The following SORCS3 variants were observed in gnomAD, a reference collection of about 807,000 sequenced individuals.
SORCS3 encodes sortilin related VPS10 domain containing receptor 3, also known as VPS10 domain-containing receptor SorCS3.
Under a neutral mutation model 146.3 loss-of-function variants are expected in SORCS3, and 57 were observed. The observed-to-expected ratio is 0.39, with a 90% CI of 0.31 to 0.49. SORCS3 has a LOEUF of 0.49. Among genes scored for constraint, SORCS3 ranks in the 20% least tolerant of loss-of-function variants. The pLI is 0.92. For missense variants in SORCS3, 1,341 were observed against 1,575.5 expected (o/e 0.85, Z 2.52); for synonymous variants, 653 against 618.5 (o/e 1.06, Z -0.83).
chr10:104,735,142 C>T (rs1051577857), intron 1 of SORCS3, among the ~76,000 whole-genome samples: 3 of 152,180 alleles, frequency 2.0e-5, no homozygotes, highest in Non-Finnish European at 2.9e-5. Context: ...TGTTCCCTGC[C>T]GCTTGCCTTT....
chr10:105,261,054 A>G (rs2056957445), intron 25 of SORCS3, among the ~76,000 whole-genome samples: 1 of 152,230 alleles, frequency 6.6e-6, no homozygotes, highest in Non-Finnish European at 1.5e-5. Context: ...TTTGCCAAAC[A>G]CTGTGCTAAG....
At chr10:105,224,049 T>C (rs1387772004) in intron 20 of SORCS3, among the ~76,000 whole-genome samples, 1 of 152,244 alleles carries the variant, frequency 6.6e-6, no homozygotes, top group Non-Finnish European at 1.5e-5. Context: ...CACCAGAGTG[T>C]TACATTTGTT....
At chr10:104,914,631 C>G (rs1160375120) in intron 2 of SORCS3, among the ~76,000 whole-genome samples, 2 of 152,136 alleles carry the variant, frequency 1.3e-5, no homozygotes, top group Non-Finnish European at 2.9e-5. Context: ...GAGTGAGCAC[C>G]TGTCTCTTAA....
chr10:105,255,102 G>A (rs193039667), intron 23 of SORCS3, among the ~76,000 whole-genome samples: 11 of 151,326 alleles, frequency 7.3e-5, no homozygotes, highest in African/African-American at 2.7e-4. Context: ...GCAGGAGAAT[G>A]GCGTGAACCC....
At chr10:104,947,020 G>A (rs2019378381) in intron 3 of SORCS3, among the ~76,000 whole-genome samples, 3 of 152,050 alleles carry the variant, frequency 2.0e-5, no homozygotes, top group South Asian at 2.1e-4. Context: ...GATTGTCTGC[G>A]GTCCCTGGCA....
rs1374603870 is a variant in SORCS3 at position 104,854,841 on chromosome 10, C to A, written c.695+11982C>A. ...ACCTTTTGATGCTTTTCTCACTTTT[C>A]TTCATTTAGCATAATCCCCTGGAGA... On this transcript the variant is annotated intron_variant, in intron 2 of 26. Transcript: ENST00000369701. Among the ~76,000 whole-genome samples the A allele has an allele frequency of 2.0e-5, 3 of 152,260 alleles. No individual in the cohort carries two copies. In the East Asian group the frequency reaches 5.8e-4, roughly 29 times the overall value.
intron 5 of SORCS3, among the ~76,000 whole-genome samples, chr10:105,049,556 G>A (rs1241247527): frequency 6.6e-6 from 1 of 152,050 alleles, no homozygotes; most frequent in Non-Finnish European, 1.5e-5. Flanking sequence ...GTAATAGTTA[G>A]GGTTTAATAT....
chr10:104,705,994 A>G (rs1405533798), intron 1 of SORCS3, among the ~76,000 whole-genome samples: 1 of 152,098 alleles, frequency 6.6e-6, no homozygotes, highest in African/African-American at 2.4e-5. Flanking sequence ...GAGACTGTGA[A>G]GAGAAATCTC....
In SORCS3 at chr10:105,157,201, A is replaced by G. The variant is rs781713032; in HGVS notation, c.1546A>G (p.Ile516Val). 1.2e-6 allele frequency: 2 copies of G among 1,614,078 alleles called. No homozygotes were observed. The highest frequency in any genetic ancestry group is 2.2e-5 in the East Asian group (1 of 44,850). Residue 516 changes from isoleucine (I) to valine (V), a missense_variant, in exon 10 of 27, where the codon ATC (isoleucine) becomes GTC (valine). Coordinates refer to ENST00000369701, the MANE Select transcript of SORCS3 (RefSeq NM_014978.3). Reference sequence around the variant, plus strand: ...GGTGGACGACCAGGTGAAGACATACATCACTTACAACAAAGGCAGGGATTG... The same window carrying G: ...GGTGGACGACCAGGTGAAGACATACGTCACTTACAACAAAGGCAGGGATTG... ...KKVDDQVKTY[I>V]TYNKGRDWRL...
chr10:104,731,820 G>T (rs1290055713), intron 1 of SORCS3, among the ~76,000 whole-genome samples: 1 of 152,200 alleles, frequency 6.6e-6, no homozygotes, highest in Non-Finnish European at 1.5e-5. Context: ...GAGGACAAAT[G>T]AAGGGAGGAA....
intron 2 of SORCS3, among the ~76,000 whole-genome samples, chr10:104,910,794 G>A (rs951393533): frequency 1.3e-5 from 2 of 152,214 alleles, no homozygotes; most frequent in Non-Finnish European, 2.9e-5. Flanking sequence ...GTGGGGTTGG[G>A]GTAACTGGAG....
intron 3 of SORCS3, among the ~76,000 whole-genome samples, chr10:104,968,637 G>C (rs1243991656): frequency 6.6e-5 from 10 of 152,140 alleles, no homozygotes; most frequent in Admixed American, 6.5e-4. Flanking sequence ...AAAATCTCTA[G>C]TGGGATCTCT....
At chr10:104,976,845 T>C (rs2133649321) in intron 3 of SORCS3, among the ~76,000 whole-genome samples, 1 of 151,194 alleles carries the variant, frequency 6.6e-6, no homozygotes, top group East Asian at 1.9e-4. Context: ...CACTCATAGG[T>C]GGGAATTGAA....
chr10:105,106,016 AT>A (rs2055818720), intron 7 of SORCS3, among the ~76,000 whole-genome samples: 1 of 152,128 alleles, frequency 6.6e-6, no homozygotes, highest in Non-Finnish European at 1.5e-5. Context: ...CTTAGGAAAA[AT>A]TAGATGGGAC....
At chr10:104,775,297 A>G (rs1411985245) in intron 1 of SORCS3, among the ~76,000 whole-genome samples, 1 of 152,232 alleles carries the variant, frequency 6.6e-6, no homozygotes, top group Non-Finnish European at 1.5e-5. Flanking sequence ...AAATGAGAGA[A>G]TGTTTGCAGA....
At chr10:104,994,485 A>G (rs2055011857) in intron 4 of SORCS3, among the ~76,000 whole-genome samples, 1 of 152,216 alleles carries the variant, frequency 6.6e-6, no homozygotes, top group Non-Finnish European at 1.5e-5. Flanking sequence ...ATTAAAATAT[A>G]TAAACTTGAT....
At chr10:104,919,924 A>T (rs1035468926) in intron 3 of SORCS3, among the ~76,000 whole-genome samples, 39 of 152,320 alleles carry the variant, frequency 2.6e-4, no homozygotes, top group Admixed American at 3.9e-4. Context: ...GCAAAAAGAA[A>T]ATTTGATATA....
chr10:104,959,968 T>C (rs1180362852), intron 3 of SORCS3, among the ~76,000 whole-genome samples: 1 of 152,174 alleles, frequency 6.6e-6, no homozygotes, highest in Non-Finnish European at 1.5e-5. Flanking sequence ...CATTGGTTAT[T>C]ACAGCCTGGT....
intron 22 of SORCS3, among the ~76,000 whole-genome samples, chr10:105,250,704 C>G (rs1347406862): frequency 6.6e-6 from 1 of 152,108 alleles, no homozygotes; most frequent in Non-Finnish European, 1.5e-5. Flanking sequence ...AGGCCCCCAG[C>G]CTTATGGACT....
Sources: gnomAD v4.1 joint callset for allele counts (sites outside exome capture counted in the v4.1 genomes callset) on GRCh38, gnomAD v4.1.1 for gene constraint, MANE v1.5 for transcripts, NCBI Gene and HGNC (gene_info 2026-07-23, HGNC 2026-07-21) for gene names.